RORB: variants seen among roughly 807,000 people sequenced by gnomAD.
The protein encoded by RORB is nuclear receptor ROR-beta.
A neutral mutation model predicts 59.1 loss-of-function variants in RORB; 6 were observed. The ratio of observed to expected loss-of-function variants is 0.10; its 90% CI spans 0.06 to 0.20. RORB has a LOEUF of 0.20. Among genes scored for constraint, RORB ranks in the 10% least tolerant of loss-of-function variants. The pLI, the probability that RORB is intolerant of heterozygous loss-of-function variation, is 1.00. For missense variants in RORB, 320 were observed against 560.5 expected (o/e 0.57, Z 4.33); for synonymous variants, 215 against 204.5 (o/e 1.05, Z -0.44).
chr9:74,656,705 CA>C (rs1824088456), intron 4 of RORB, among the ~76,000 whole-genome samples: 1 of 152,102 alleles, frequency 6.6e-6, no homozygotes, highest in Admixed American at 6.6e-5. Context: ...CACTGCACTC[CA>C]GCCTGGGCAA....
intron 1 of RORB, among the ~76,000 whole-genome samples, chr9:74,513,556 G>GA (rs989583635): frequency 2.0e-5 from 3 of 151,836 alleles, no homozygotes; most frequent in African/African-American, 7.3e-5. Context: ...TGTTCACAGA[G>GA]AAAAAAATGG....
At chr9:74,521,722 T>A (rs1826088221) in intron 1 of RORB, among the ~76,000 whole-genome samples, 1 of 151,806 alleles carries the variant, frequency 6.6e-6, no homozygotes, top group African/African-American at 2.4e-5. Flanking sequence ...TCTCGGATTG[T>A]CACAGGTTAA....
intron 1 of RORB, among the ~76,000 whole-genome samples, chr9:74,552,042 G>C (rs1662333615): frequency 6.6e-6 from 1 of 152,176 alleles, no homozygotes; most frequent in African/African-American, 2.4e-5. Context: ...GCAATGCTGA[G>C]TAGCTTGCAA....
intron 1 of RORB, among the ~76,000 whole-genome samples, chr9:74,500,359 T>C (rs1291592595): frequency 6.6e-6 from 1 of 152,104 alleles, no homozygotes; most frequent in East Asian, 1.9e-4. Flanking sequence ...AGAATGGGAT[T>C]GAGAAAAGAT....
intron 1 of RORB, among the ~76,000 whole-genome samples, chr9:74,581,168 T>TAAGAACCTC (rs1448826372): frequency 8.5e-5 from 13 of 152,156 alleles, no homozygotes; most frequent in Non-Finnish European, 1.3e-4. Flanking sequence ...ACCAGGCCCT[T>TAAGAACCTC]AAGAACCTCA....
chr9:74,527,882 G>T (rs1425004192), intron 1 of RORB, among the ~76,000 whole-genome samples: 1 of 151,956 alleles, frequency 6.6e-6, no homozygotes, highest in African/African-American at 2.4e-5. Context: ...AGGGTAGCAG[G>T]TTGACTTCAT....
intron 9 of RORB, among the ~76,000 whole-genome samples, chr9:74,680,471 A>G (rs7850938): frequency 0.056 from 8,516 of 152,156 alleles, 764 homozygotes; most frequent in African/African-American, 0.19. Flanking sequence ...CTGGTTTCCT[A>G]TTCCAGCCCC....
At chr9:74,641,222 C>G (rs954527026) in intron 3 of RORB, among the ~76,000 whole-genome samples, 1 of 143,058 alleles carries the variant, frequency 7.0e-6, no homozygotes, top group East Asian at 2.0e-4. Flanking sequence ...TGTTCACATC[C>G]TAAAAAGGCA....
In RORB at chr9:74,642,660, G is replaced by A; in HGVS notation, c.482G>A (p.Gly161Asp). ...KSEGYYNVDS[G>D]QPSPDQSGLD... ...GAGGGTTATTACAACGTCGATTCCG[G>A]TCAGCCGTCCCCTGATCAGTCAGGA... is the stretch of plus-strand genomic sequence containing the variant. The change falls in exon 4 of 10, where the codon GGT becomes GAT. Residue 161 changes from glycine to aspartate, a missense_variant. Physicochemically the swap from Gly to Asp is moderately conservative, Grantham distance 94. Around this residue, in one of 4 missense-constraint regions of RORB, gnomAD observed 134 missense variants for 156.2 expected, o/e 0.86. Transcript: ENST00000376896. 1 of 1,614,200 alleles carries A rather than the reference G, an allele frequency of 6.2e-7. No individual in the cohort carries two copies. Among genetic ancestry groups the A allele is most frequent in the South Asian group, 1.1e-5 (1 of 91,080 alleles).
chr9:74,608,863 C>T (rs918758112), intron 1 of RORB, among the ~76,000 whole-genome samples: 1 of 152,180 alleles, frequency 6.6e-6, no homozygotes, highest in African/African-American at 2.4e-5. Context: ...ATTCTTTCAG[C>T]CTTCTAAAGA....
intron 1 of RORB, among the ~76,000 whole-genome samples, chr9:74,595,168 A>G (rs1401471206): frequency 6.6e-6 from 1 of 152,198 alleles, no homozygotes; most frequent in Non-Finnish European, 1.5e-5. Context: ...ATTCAGAAAC[A>G]TGCCTACAAA....
intron 7 of RORB, among the ~76,000 whole-genome samples, chr9:74,666,898 C>T (rs150851512): frequency 7.2e-5 from 11 of 152,298 alleles, no homozygotes; most frequent in Non-Finnish European, 1.5e-4. Context: ...AAGGTTTTAA[C>T]GATTGATAGT....
intron 1 of RORB, among the ~76,000 whole-genome samples, chr9:74,565,698 C>A (rs1034597181): frequency 5.3e-5 from 8 of 152,078 alleles, no homozygotes; most frequent in African/African-American, 1.9e-4. Flanking sequence ...TAAAAAGCAT[C>A]TTCTTTTTCA....
intron 1 of RORB, among the ~76,000 whole-genome samples, chr9:74,547,409 C>T (rs1826516026): frequency 6.6e-6 from 1 of 152,198 alleles, no homozygotes; most frequent in East Asian, 1.9e-4. Context: ...TAAGCAAGGA[C>T]CGAAGACCTT....
intron 4 of RORB, among the ~76,000 whole-genome samples, chr9:74,654,107 C>A (rs943789236): frequency 6.6e-6 from 1 of 152,092 alleles, no homozygotes; most frequent in Admixed American, 6.6e-5. Context: ...TCATATATTT[C>A]TTTAAACATT....
At chr9:74,566,573 G>A (rs975190783) in intron 1 of RORB, among the ~76,000 whole-genome samples, 4 of 152,130 alleles carry the variant, frequency 2.6e-5, no homozygotes, top group Non-Finnish European at 4.4e-5. Context: ...GAGGTGGGTG[G>A]ATCACCTGTG....
At chr9:74,577,132 T>C (rs1363091713) in intron 1 of RORB, among the ~76,000 whole-genome samples, 1 of 152,178 alleles carries the variant, frequency 6.6e-6, no homozygotes, top group African/African-American at 2.4e-5. Context: ...TTAAAAACTA[T>C]GTTGCTTATC....
At chr9:74,586,967 C>A (rs547946730) in intron 1 of RORB, among the ~76,000 whole-genome samples, 1 of 152,284 alleles carries the variant, frequency 6.6e-6, no homozygotes, top group South Asian at 2.1e-4. Context: ...GAGCTCCTAA[C>A]CAATCTGTCC....
chr9:74,560,456 C>T (rs1328550480), intron 1 of RORB, among the ~76,000 whole-genome samples: 1 of 152,022 alleles, frequency 6.6e-6, no homozygotes, highest in Non-Finnish European at 1.5e-5. Context: ...CAACTCTAAA[C>T]CAGGTTATTG....
Sources: allele counts gnomAD v4.1 joint callset (sites outside exome capture counted in the v4.1 genomes callset), GRCh38; gene constraint gnomAD v4.1.1; regional missense constraint gnomAD v4.1.1; transcripts MANE v1.5; gene names NCBI Gene and HGNC (gene_info 2026-07-23, HGNC 2026-07-21).